The following GMDS variants were observed in gnomAD, a reference collection of about 807,000 sequenced individuals.
GMDS encodes the protein GDP-mannose 4,6-dehydratase.
Under a neutral mutation model 49.9 loss-of-function variants are expected in GMDS, and 20 were observed. The ratio of observed to expected loss-of-function variants is 0.40; its 90% CI spans 0.28 to 0.58. GMDS has a LOEUF of 0.58. Ranked by LOEUF, GMDS falls within the 20% of genes least tolerant of loss-of-function variation. GMDS has a pLI of 0.42. For synonymous variants in GMDS, 177 were observed against 178.6 expected (o/e 0.99, Z 0.07); for missense variants, 362 against 481.4 (o/e 0.75, Z 2.32).
At chr6:1,700,828 A>G (rs944940909) in intron 9 of GMDS, among the ~76,000 whole-genome samples, 1 of 152,132 alleles carries the variant, frequency 6.6e-6, no homozygotes, top group Non-Finnish European at 1.5e-5. Flanking sequence ...AATGCCTGAC[A>G]CTCAAAGGCC....
rs917896865 is a variant in GMDS at position 1,899,629 on chromosome 6, T to C, written c.771+30474A>G. On this transcript the variant is annotated intron_variant, in intron 7 of 10. Transcript: ENST00000380815. ...TTTAATAAGTTCACTATAAAAAATATTACATTTCAAAGCCAAAAAACAATC... is the reference window on the plus strand; with the variant it reads ...TTTAATAAGTTCACTATAAAAAATACTACATTTCAAAGCCAAAAAACAATC... 1.2e-4 allele frequency among the ~76,000 whole-genome samples: 19 copies of C among 152,240 alleles called. No homozygotes were observed. The East Asian group carries it at 3.5e-3, about 28-fold the overall frequency.
At chr6:2,064,701 A>T (rs139386313) in intron 4 of GMDS, among the ~76,000 whole-genome samples, 126 of 152,262 alleles carry the variant, frequency 8.3e-4, no homozygotes, top group Middle Eastern at 3.4e-3. Context: ...TGTTGAGGTG[A>T]GGGCAGCCTG....
At chr6:1,984,497 C>G (rs1327039051) in intron 4 of GMDS, among the ~76,000 whole-genome samples, 1 of 150,758 alleles carries the variant, frequency 6.6e-6, no homozygotes, top group Non-Finnish European at 1.5e-5. Flanking sequence ...AACAAGACAT[C>G]TGGGCATCAC....
chr6:2,143,654 G>A (rs1203221669), intron 1 of GMDS, among the ~76,000 whole-genome samples: 1 of 152,140 alleles, frequency 6.6e-6, no homozygotes, highest in Non-Finnish European at 1.5e-5. Flanking sequence ...CCAAGCAGTG[G>A]CCTCCCACTA....
At chr6:1,668,025 G>A (rs943323173) in intron 9 of GMDS, among the ~76,000 whole-genome samples, 1 of 152,168 alleles carries the variant, frequency 6.6e-6, no homozygotes, top group African/African-American at 2.4e-5. Context: ...GGTGAATGAA[G>A]GGAGTGATCG....
chr6:2,202,612 A>G (rs2127577405), intron 1 of GMDS, among the ~76,000 whole-genome samples: 1 of 152,226 alleles, frequency 6.6e-6, no homozygotes, highest in East Asian at 1.9e-4. Context: ...TAAGGTGGGA[A>G]CAGTCACGGT....
intron 1 of GMDS, among the ~76,000 whole-genome samples, chr6:2,134,614 T>A (rs1035997312): frequency 6.6e-6 from 1 of 152,206 alleles, no homozygotes; most frequent in African/African-American, 2.4e-5. Flanking sequence ...CCTGACCACA[T>A]GCACTTTTTG....
intron 4 of GMDS, among the ~76,000 whole-genome samples, chr6:2,002,369 G>A (rs1766878300): frequency 6.6e-6 from 1 of 152,140 alleles, no homozygotes; most frequent in Non-Finnish European, 1.5e-5. Flanking sequence ...GATGAATGAG[G>A]GATATAGTTA....
At chr6:2,050,482 T>C (rs1435092220) in intron 4 of GMDS, among the ~76,000 whole-genome samples, 6 of 152,214 alleles carry the variant, frequency 3.9e-5, no homozygotes, top group Non-Finnish European at 8.8e-5. Context: ...CTTCTGAAAC[T>C]ATTCCAATGA....
intron 7 of GMDS, among the ~76,000 whole-genome samples, chr6:1,805,727 G>T (rs141721521): frequency 9.3e-4 from 142 of 152,026 alleles, no homozygotes; most frequent in African/African-American, 3.3e-3. Flanking sequence ...TATTTATCAC[G>T]TTATTTTTAA....
intron 7 of GMDS, among the ~76,000 whole-genome samples, chr6:1,835,201 T>C (rs1756869648): frequency 6.6e-6 from 1 of 152,104 alleles, no homozygotes; most frequent in African/African-American, 2.4e-5. Flanking sequence ...GGACATGACA[T>C]TGAAACTGGC....
intron 4 of GMDS, among the ~76,000 whole-genome samples, chr6:1,992,653 C>T (rs1766025616): frequency 8.3e-6 from 1 of 120,556 alleles, no homozygotes. Flanking sequence ...TCCGCCCTAG[C>T]ACTCCCAATC....
At chr6:1,810,157 G>A (rs1220396172) in intron 7 of GMDS, among the ~76,000 whole-genome samples, 3 of 152,142 alleles carry the variant, frequency 2.0e-5, no homozygotes, top group Non-Finnish European at 4.4e-5. Context: ...AGAGGGAGCT[G>A]GCTAACTGCG....
intron 9 of GMDS, among the ~76,000 whole-genome samples, chr6:1,629,384 AGAG>A (rs1387063029): frequency 6.6e-6 from 1 of 152,046 alleles, no homozygotes; most frequent in Non-Finnish European, 1.5e-5. Flanking sequence ...GGGCAATAAG[AGAG>A]GAGAAGAAAA....
intron 8 of GMDS, among the ~76,000 whole-genome samples, chr6:1,727,103 C>T (rs1341397200): frequency 6.6e-6 from 1 of 152,112 alleles, no homozygotes; most frequent in Non-Finnish European, 1.5e-5. Flanking sequence ...CCAAAAAGTA[C>T]AGAACTAATT....
chr6:1,668,272 A>C (rs998982181), intron 9 of GMDS, among the ~76,000 whole-genome samples: 3 of 152,260 alleles, frequency 2.0e-5, no homozygotes, highest in Non-Finnish European at 4.4e-5. Flanking sequence ...TAAAATGCTA[A>C]AATAGGATAC....
Position 1,657,853 on chromosome 6 carries a change from C to CAAAAAAAAA in GMDS, c.988-33322_988-33314dup, listed in dbSNP as rs757277370. Among the ~76,000 whole-genome samples, 24 of 63,338 alleles carry CAAAAAAAAA rather than the reference C, an allele frequency of 3.8e-4. 1 individual carries two copies. Among genetic ancestry groups the CAAAAAAAAA allele is most frequent in the South Asian group, 6.9e-4 (1 of 1,442 alleles). The allele number at this position is 63,338 out of a possible 152,430, so 41.6% of individuals were successfully genotyped here. A position where few individuals can be genotyped will look rare whatever the true frequency, so the allele number is the denominator to read the frequency against. ...AGATCCTTGTAACAAAGAACTCAAG[C>CAAAAAAAAA]AAAAAAAAAAAAAAAAGAAAAAGAA... On this transcript the variant is annotated intron_variant, in intron 9 of 10. Coordinates refer to ENST00000380815, the MANE Select transcript of GMDS (RefSeq NM_001500.4).
intron 7 of GMDS, among the ~76,000 whole-genome samples, chr6:1,779,098 G>A (rs562971782): frequency 6.6e-6 from 1 of 152,228 alleles, no homozygotes; most frequent in South Asian, 2.1e-4. Flanking sequence ...AATCAGACCA[G>A]ATGTGATCAC....
chr6:2,056,215 T>C (rs995907202), intron 4 of GMDS, among the ~76,000 whole-genome samples: 4 of 152,160 alleles, frequency 2.6e-5, no homozygotes, highest in African/African-American at 9.7e-5. Context: ...TATCACAAAT[T>C]AAGCTCTACA....
Sources: gnomAD v4.1 joint callset for allele counts (sites outside exome capture counted in the v4.1 genomes callset) on GRCh38, gnomAD v4.1.1 for gene constraint, MANE v1.5 for transcripts, NCBI Gene and HGNC (gene_info 2026-07-23, HGNC 2026-07-21) for gene names.